The following SFMBT1 variants were observed in gnomAD, a reference collection of about 807,000 sequenced individuals.
SFMBT1 encodes the protein scm-like with four MBT domains protein 1.
In SFMBT1, 32 loss-of-function variants were observed where a neutral mutation model predicts 108.7. The observed-to-expected ratio is 0.29, with a 90% CI of 0.22 to 0.40. The LOEUF (loss-of-function observed/expected upper bound fraction) is 0.40. SFMBT1 is among the 10% of genes least tolerant of loss of function. The probability of loss-of-function intolerance (pLI) is 1.00; values close to 1 mark genes in which losing one functional copy is unlikely to be tolerated. For missense variants in SFMBT1, 816 were observed against 1,059.6 expected, an observed-to-expected ratio of 0.77 and a Z score of 3.19; for synonymous variants, 348 against 369.5, an observed-to-expected ratio of 0.94 and a Z score of 0.67.
At chr3:52,906,559 C>G (rs1188086920) in intron 19 of SFMBT1, among the ~76,000 whole-genome samples, 1 of 152,090 alleles carries the variant, frequency 6.6e-6, no homozygotes, top group Non-Finnish European at 1.5e-5. Flanking sequence ...AACTAAACTA[C>G]CAGGAGGAAT....
In SFMBT1 at chr3:52,945,139, A is replaced by AAAAAAAAAC. The variant is rs1553636681; in HGVS notation, c.124-1547_124-1546insGTTTTTTTT. Among the ~76,000 whole-genome samples, 6 of 146,062 alleles carry AAAAAAAAAC rather than the reference A, an allele frequency of 4.1e-5. 2 individuals are homozygous for AAAAAAAAAC. Among genetic ancestry groups the AAAAAAAAAC allele is most frequent in the Non-Finnish European group, 9.1e-5 (6 of 66,074 alleles). ...TTTCCAAATACCACCTTCCAATTAAAAAAAAAAAAAAACAAGGACTTCAGG... is the reference window on the plus strand; with the variant it reads ...TTTCCAAATACCACCTTCCAATTAAAAAAAAAAACAAAAAAAAAAAACAAGGACTTCAGG... On this transcript the variant is annotated intron_variant, in intron 3 of 20. Transcript: ENST00000394752.
chr3:52,930,797 C>A, intron 7 of SFMBT1, 144 bp downstream of exon 7: 1 of 636,212 alleles, frequency 1.6e-6, no homozygotes, highest in Non-Finnish European at 2.8e-6. Context: ...GGATGATCAT[C>A]AGTCCAGCCT....
At chr3:53,032,024 G>C (rs2106959409) in intron 1 of SFMBT1, among the ~76,000 whole-genome samples, 1 of 152,288 alleles carries the variant, frequency 6.6e-6, no homozygotes, top group South Asian at 2.1e-4. Flanking sequence ...TCTAGGGAAG[G>C]CTTTGCTGAG....
intron 6 of SFMBT1, 129 bp downstream of exon 6, chr3:52,931,933 T>C: frequency 9.4e-7 from 1 of 1,067,836 alleles, no homozygotes; most frequent in Non-Finnish European, 1.3e-6. Context: ...ATAAACTGTT[T>C]TGTAATAGCT....
At chr3:52,915,515 G>T (rs774562467) in intron 14 of SFMBT1, among the ~76,000 whole-genome samples, 1 of 152,126 alleles carries the variant, frequency 6.6e-6, no homozygotes, top group African/African-American at 2.4e-5. Context: ...TCTGAGCTTC[G>T]ATTTCTCTTC....
At chr3:53,030,643 C>T (rs1699650923) in intron 1 of SFMBT1, among the ~76,000 whole-genome samples, 1 of 146,032 alleles carries the variant, frequency 6.8e-6, no homozygotes, top group Non-Finnish European at 1.5e-5. Flanking sequence ...CTTTCACCCT[C>T]CTCCTTTAAA....
chr3:52,916,356 CTTTTT>C (rs71087030), intron 13 of SFMBT1, 142 bp from the exon 14 acceptor site: 334 of 345,438 alleles, frequency 9.7e-4, no homozygotes, highest in Middle Eastern at 1.6e-3. Context: ...CTTGATGATA[CTTTTT>C]TTTTTTTTTT....
intron 1 of SFMBT1, among the ~76,000 whole-genome samples, chr3:53,025,335 G>A (rs1699450299): frequency 6.6e-6 from 1 of 152,202 alleles, no homozygotes; most frequent in Non-Finnish European, 1.5e-5. Flanking sequence ...CAGGCTGGGT[G>A]CAGTGGCTCA....
At chr3:52,907,384 A>G in intron 18 of SFMBT1, 70 bp from the exon 19 acceptor site, 1 of 1,539,626 alleles carries the variant, frequency 6.5e-7, no homozygotes, top group South Asian at 1.3e-5. Context: ...GATTAAAAAA[A>G]AATAATAAAG....
intron 1 of SFMBT1, among the ~76,000 whole-genome samples, chr3:53,008,623 C>T (rs1332586720): frequency 1.3e-4 from 19 of 150,118 alleles, no homozygotes; most frequent in Admixed American, 1.3e-3. Flanking sequence ...TTTCATGACC[C>T]TAGGTAGACT....
At chr3:52,945,732 G>A (rs1250879386) in intron 3 of SFMBT1, among the ~76,000 whole-genome samples, 3 of 151,690 alleles carry the variant, frequency 2.0e-5, no homozygotes, top group South Asian at 2.1e-4. Context: ...GCATGAACCC[G>A]GGAGGCGGAG....
intron 1 of SFMBT1, among the ~76,000 whole-genome samples, chr3:52,979,819 G>A (rs1704647859): frequency 6.6e-6 from 1 of 152,172 alleles, no homozygotes; most frequent in Non-Finnish European, 1.5e-5. Context: ...TCTAGGTGAA[G>A]AAATATTTTG....
At chr3:52,943,009 A>G (rs1703236554) in intron 4 of SFMBT1, among the ~76,000 whole-genome samples, 1 of 152,226 alleles carries the variant, frequency 6.6e-6, no homozygotes, top group Admixed American at 6.5e-5. Flanking sequence ...GAGGACAATA[A>G]AAACAAAAGA....
At chr3:53,021,308 G>T (rs1439507687) in intron 1 of SFMBT1, among the ~76,000 whole-genome samples, 2 of 152,116 alleles carry the variant, frequency 1.3e-5, no homozygotes, top group Non-Finnish European at 2.9e-5. Context: ...GTCAAGGAGT[G>T]GAAAAGGTAA....
At chr3:53,040,393 T>C (rs1345962805) in intron 1 of SFMBT1, among the ~76,000 whole-genome samples, 4 of 152,180 alleles carry the variant, frequency 2.6e-5, no homozygotes, top group Non-Finnish European at 5.9e-5. Context: ...CCAGCTCATG[T>C]TGTCATTCCA....
intron 8 of SFMBT1, 119 bp from the exon 9 acceptor site, chr3:52,928,460 C>T (rs1290960472): frequency 1.1e-5 from 11 of 996,198 alleles, no homozygotes; most frequent in Non-Finnish European, 1.6e-5. Context: ...TAATACTAAA[C>T]ACTAAATGTT....
At chr3:52,914,357 C>T (rs933668826) in intron 14 of SFMBT1, among the ~76,000 whole-genome samples, 2 of 152,136 alleles carry the variant, frequency 1.3e-5, no homozygotes, top group African/African-American at 4.8e-5. Flanking sequence ...CCTGTTAATC[C>T]AATGTTAAGG....
intron 1 of SFMBT1, among the ~76,000 whole-genome samples, chr3:53,021,768 A>G (rs1699313281): frequency 6.6e-6 from 1 of 152,220 alleles, no homozygotes; most frequent in Non-Finnish European, 1.5e-5. Context: ...CCACAGCTCA[A>G]AAACAGCAAC....
At chr3:52,978,511 T>G (rs1704598782) in intron 1 of SFMBT1, among the ~76,000 whole-genome samples, 1 of 152,060 alleles carries the variant, frequency 6.6e-6, no homozygotes, top group Non-Finnish European at 1.5e-5. Flanking sequence ...AAAGGCAATG[T>G]TGGTGGGAAT....
Sources: allele counts gnomAD v4.1 joint callset (sites outside exome capture counted in the v4.1 genomes callset), GRCh38; gene constraint gnomAD v4.1.1; transcripts MANE v1.5; gene names NCBI Gene and HGNC (gene_info 2026-07-23, HGNC 2026-07-21).